GLIS3: variants seen among roughly 807,000 people sequenced by gnomAD.
GLIS3 encodes zinc finger protein GLIS3.
A neutral mutation model predicts 78.6 loss-of-function variants in GLIS3; 53 were observed. The ratio of observed to expected loss-of-function variants is 0.67; its 90% CI spans 0.54 to 0.85. The LOEUF (loss-of-function observed/expected upper bound fraction) is 0.85. Ranked by LOEUF, GLIS3 falls within the 40% of genes least tolerant of loss-of-function variation. The probability of loss-of-function intolerance (pLI) is 0.00; values close to 1 mark genes in which losing one functional copy is unlikely to be tolerated. For synonymous variants in GLIS3, 684 were observed against 509.9 expected, an observed-to-expected ratio of 1.34 and a Z score of -4.60; for missense variants, 1,703 against 1,231.1, an observed-to-expected ratio of 1.38 and a Z score of -5.74.
intron 3 of GLIS3, among the ~76,000 whole-genome samples, chr9:4,310,096 T>A (rs1452037301): frequency 6.6e-6 from 1 of 150,948 alleles, no homozygotes; most frequent in Non-Finnish European, 1.5e-5. Flanking sequence ...TGGATTTCCA[T>A]ATCAGGATTC....
upstream of GLIS3, among the ~76,000 whole-genome samples, chr9:4,300,152 C>T (rs531565511): frequency 3.3e-5 from 5 of 151,538 alleles, no homozygotes; most frequent in South Asian, 8.4e-4. Context: ...GGCGGGCTCG[C>T]GGGTCACTAG....
intron 4 of GLIS3, among the ~76,000 whole-genome samples, chr9:4,003,243 T>C (rs1268549310): frequency 6.6e-6 from 1 of 152,132 alleles, no homozygotes; most frequent in East Asian, 1.9e-4. Context: ...ACTATCTTTC[T>C]CTGGTAGCCC....
the GLIS3 span, among the ~76,000 whole-genome samples, chr9:4,460,062 G>A: frequency 5.9e-5 from 9 of 152,112 alleles, no homozygotes; most frequent in East Asian, 1.7e-3. Context: ...AAATCCTAGA[G>A]ACAGATCTTG....
chr9:4,258,069 C>G (rs1825150216), intron 2 of GLIS3, among the ~76,000 whole-genome samples: 1 of 152,058 alleles, frequency 6.6e-6, no homozygotes, highest in South Asian at 2.1e-4. Flanking sequence ...TGCCTATGTA[C>G]ACACAACACA....
chr9:4,183,652 T>A lies in GLIS3; in HGVS notation c.389-57711A>T, dbSNP rs75544534. On this transcript the variant is annotated intron_variant, in intron 2 of 10. Transcript: ENST00000381971. ...ACTGATTAGATTTACTTTGAAGGTC[T>A]CTTTCAGCTTCAACTTAATATGTTA... Among the ~76,000 whole-genome samples, 86 of 152,346 alleles carry A rather than the reference T, an allele frequency of 5.6e-4. No individual in the cohort carries two copies. The East Asian group carries it at 0.014, about 24-fold the overall frequency.
chr9:4,423,900 A>C, the GLIS3 span, among the ~76,000 whole-genome samples: 3 of 152,216 alleles, frequency 2.0e-5, no homozygotes, highest in African/African-American at 7.2e-5. Flanking sequence ...TTTAATCTGT[A>C]GTGAGGTGGG....
At chr9:4,275,170 T>C (rs927593762) in intron 2 of GLIS3, among the ~76,000 whole-genome samples, 29 of 152,100 alleles carry the variant, frequency 1.9e-4, no homozygotes, top group Non-Finnish European at 3.8e-4. Context: ...GTCACTCAGG[T>C]GGCCACACAA....
At chr9:4,320,024 T>TGTGCGCGC (rs1554658416) in intron 2 of GLIS3, among the ~76,000 whole-genome samples, 1 of 55,300 alleles carries the variant, frequency 1.8e-5, no homozygotes, top group African/African-American at 3.9e-5. Flanking sequence ...TGTGTGTGTG[T>TGTGCGCGC]GCGCGCGCAC....
intron 2 of GLIS3, among the ~76,000 whole-genome samples, chr9:4,146,058 C>T (rs1425188327): frequency 6.6e-6 from 1 of 152,174 alleles, no homozygotes; most frequent in African/African-American, 2.4e-5. Context: ...ACATGTCTTA[C>T]ATGAGATAGG....
intron 2 of GLIS3, among the ~76,000 whole-genome samples, chr9:4,192,780 A>C (rs2131224975): frequency 6.6e-6 from 1 of 150,612 alleles, no homozygotes; most frequent in African/African-American, 2.4e-5. Context: ...TAGTGAAGCA[A>C]ATAAACCAAC....
At chr9:3,906,082 G>A (rs1336064908) in intron 6 of GLIS3, among the ~76,000 whole-genome samples, 2 of 152,212 alleles carry the variant, frequency 1.3e-5, no homozygotes, top group Non-Finnish European at 2.9e-5. Context: ...GGAGAGGAGT[G>A]AGCAAGGGAG....
chr9:4,082,808 G>T (rs1166765778), intron 4 of GLIS3, among the ~76,000 whole-genome samples: 22 of 152,180 alleles, frequency 1.4e-4, no homozygotes, highest in Admixed American at 1.4e-3. Context: ...TACTAAAGTA[G>T]TTCTAAAAAT....
chr9:3,997,922 T>C (rs1820859492), intron 4 of GLIS3, among the ~76,000 whole-genome samples: 2 of 152,124 alleles, frequency 1.3e-5, no homozygotes, highest in African/African-American at 2.4e-5. Context: ...TAAATGCATA[T>C]AGATTATATA....
At chr9:4,215,948 G>C (rs1000400984) in intron 2 of GLIS3, among the ~76,000 whole-genome samples, 1 of 152,154 alleles carries the variant, frequency 6.6e-6, no homozygotes, top group Non-Finnish European at 1.5e-5. Context: ...TGATTCTAAT[G>C]AAATTATTAA....
At position 3,931,873 on chromosome 9, in the gene GLIS3, A is replaced by G. The variant is rs368346664; in HGVS notation, c.1983+487T>C. Reference sequence around the variant, plus strand: ...AGAAATCTGCTTTTTCTCTAAGCTTAAAGAATGCTCTCTACTTGTCCTAGA... The same window carrying G: ...AGAAATCTGCTTTTTCTCTAAGCTTGAAGAATGCTCTCTACTTGTCCTAGA... On this transcript the variant is annotated intron_variant, in intron 6 of 10. Coordinates refer to ENST00000381971, the MANE Select transcript of GLIS3 (RefSeq NM_001042413.2). Among the ~76,000 whole-genome samples, 30 of 152,356 alleles carry G rather than the reference A, an allele frequency of 2.0e-4. No individual in the cohort carries two copies. The South Asian group carries it at 6.2e-3, about 32-fold the overall frequency.
At position 4,139,903 on chromosome 9, in the gene GLIS3, C is replaced by T. The variant is rs1246360876; in HGVS notation, c.389-13962G>A. On this transcript the variant is annotated intron_variant, in intron 2 of 10. Coordinates refer to ENST00000381971, the MANE Select transcript of GLIS3 (RefSeq NM_001042413.2). ...GTGTGGCCTGGTTCCTAACAGGCCA[C>T]TGACCCATACAGGTCCACGGCCAGG... Among the ~76,000 whole-genome samples, 3 of 152,208 alleles carry T rather than the reference C, an allele frequency of 2.0e-5. No homozygotes were observed. In the East Asian group the frequency reaches 5.8e-4, roughly 29 times the overall value.
rs1392593351 is a variant in GLIS3 at position 4,216,498 on chromosome 9, G to C, written c.388+69540C>G. Among the ~76,000 whole-genome samples the C allele has an allele frequency of 2.9e-5, 4 of 138,006 alleles. No individual in the cohort carries two copies. The South Asian group carries it at 9.5e-4, about 33-fold the overall frequency. The allele number at this position is 138,006 out of a possible 152,430, so 90.5% of individuals were successfully genotyped here. On this transcript the variant is annotated intron_variant, in intron 2 of 10. Coordinates refer to ENST00000381971, the MANE Select transcript of GLIS3 (RefSeq NM_001042413.2). ...CTGTCTCAAAAAAAAAAAAAGAAAA[G>C]AAAAGAAAAGAAAAAGAAAAAAAAA...
At chr9:4,352,231 G>A (rs559047278), upstream of GLIS3, among the ~76,000 whole-genome samples, 5 of 152,344 alleles carry the variant, frequency 3.3e-5, no homozygotes, top group East Asian at 9.6e-4. Flanking sequence ...GCGACACCCA[G>A]TTGTGTTCTC....
chr9:3,910,792 T>C (rs927218496), intron 6 of GLIS3, among the ~76,000 whole-genome samples: 5 of 152,198 alleles, frequency 3.3e-5, no homozygotes, highest in South Asian at 4.1e-4. Context: ...CTTGGCTACT[T>C]TGAGAACTAA....
Sources: gnomAD v4.1 joint callset for allele counts (sites outside exome capture counted in the v4.1 genomes callset) on GRCh38, gnomAD v4.1.1 for gene constraint, MANE v1.5 for transcripts, NCBI Gene and HGNC (gene_info 2026-07-23, HGNC 2026-07-21) for gene names.